The following MYO3B variants were observed in gnomAD, a reference collection of about 807,000 sequenced individuals.
The protein encoded by MYO3B is myosin IIIB, also known as myosin-IIIb.
In MYO3B, 156 loss-of-function variants were observed where a neutral mutation model predicts 174.6. That is an observed-to-expected ratio of 0.89 (90% CI 0.78 to 1.02). The LOEUF (loss-of-function observed/expected upper bound fraction) is 1.02, where lower values mean the gene tolerates loss of function less well. Among genes scored for constraint, MYO3B ranks in the 50% least tolerant of loss-of-function variants. The probability of loss-of-function intolerance (pLI) is 0.00; values close to 1 mark genes in which losing one functional copy is unlikely to be tolerated. For synonymous variants in MYO3B, 563 were observed against 569.1 expected (o/e 0.99, Z 0.15); for missense variants, 1,632 against 1,639.4 (o/e 1.00, Z 0.08).
chr2:170,258,278 G>C (rs2093320031), intron 7 of MYO3B, among the ~76,000 whole-genome samples: 1 of 151,972 alleles, frequency 6.6e-6, no homozygotes, highest in African/African-American at 2.4e-5. Flanking sequence ...CGTCAGGCCA[G>C]TATCCCTGAT....
At chr2:170,577,066 A>G (rs113674092) in intron 32 of MYO3B, among the ~76,000 whole-genome samples, 352 of 151,960 alleles carry the variant, frequency 2.3e-3, no homozygotes, top group African/African-American at 8.0e-3. Context: ...AAGGAAGCCA[A>G]ATGCCAAGTG....
chr2:170,569,757 G>A (rs895713088), intron 32 of MYO3B, among the ~76,000 whole-genome samples: 1 of 151,426 alleles, frequency 6.6e-6, no homozygotes, highest in African/African-American at 2.4e-5. Flanking sequence ...AGCTACTCAG[G>A]AGGCTGAGAC....
Position 170,525,259 on chromosome 2 carries a change from G to A in MYO3B, c.3575+5719G>A, listed in dbSNP as rs533202131. Among the ~76,000 whole-genome samples, 9 of 152,304 alleles carry A rather than the reference G, an allele frequency of 5.9e-5. No individual in the cohort carries two copies. The South Asian group carries it at 1.9e-3, about 32-fold the overall frequency. ...GTTGAAAGTAAAAGTGAGTGGTTGG[G>A]TTGATGCTTCTCTGCTTCACTTCCT... On this transcript the variant is annotated intron_variant, in intron 30 of 34. Transcript: ENST00000408978.
chr2:170,243,055 A>T (rs1026475241), intron 7 of MYO3B, among the ~76,000 whole-genome samples: 1 of 152,250 alleles, frequency 6.6e-6, no homozygotes, highest in Non-Finnish European at 1.5e-5. Context: ...GGAGGATCCT[A>T]GAGTCAAGTG....
chr2:170,264,593 C>T (rs2093369164), intron 7 of MYO3B, among the ~76,000 whole-genome samples: 1 of 152,116 alleles, frequency 6.6e-6, no homozygotes, highest in South Asian at 2.1e-4. Context: ...TGTGTGATTT[C>T]GGATGAGTTA....
intron 7 of MYO3B, among the ~76,000 whole-genome samples, chr2:170,267,364 C>T (rs979391445): frequency 1.3e-5 from 2 of 152,176 alleles, no homozygotes; most frequent in African/African-American, 4.8e-5. Context: ...TTGGCCAATA[C>T]TTAGTCACAT....
At chr2:170,432,765 C>G (rs1346089926) in intron 22 of MYO3B, among the ~76,000 whole-genome samples, 1 of 151,290 alleles carries the variant, frequency 6.6e-6, no homozygotes, top group African/African-American at 2.4e-5. Flanking sequence ...TTAGTAGAGA[C>G]AGGGTTTCAC....
intron 32 of MYO3B, among the ~76,000 whole-genome samples, chr2:170,606,193 A>G (rs1273376709): frequency 6.6e-6 from 1 of 151,334 alleles, no homozygotes; most frequent in Non-Finnish European, 1.5e-5. Flanking sequence ...TTTTCCTTCC[A>G]TAGCTTCCCA....
At chr2:170,220,732 G>A (rs16857920) in intron 6 of MYO3B, among the ~76,000 whole-genome samples, 5,723 of 151,978 alleles carry the variant, frequency 0.038, 258 homozygotes, top group East Asian at 0.12. Flanking sequence ...TGTTAGCTGG[G>A]AAAAGCCAGC....
chr2:170,453,167 G>C (rs933094383), intron 23 of MYO3B, among the ~76,000 whole-genome samples: 4 of 152,084 alleles, frequency 2.6e-5, no homozygotes, highest in African/African-American at 9.7e-5. Context: ...ATCCGGTATT[G>C]GTTTCAGGGG....
intron 7 of MYO3B, among the ~76,000 whole-genome samples, chr2:170,244,333 C>G (rs771003500): frequency 8.5e-5 from 13 of 152,082 alleles, no homozygotes; most frequent in Non-Finnish European, 1.8e-4. Context: ...TTTCCTCTAC[C>G]ACAGATAATA....
intron 31 of MYO3B, 81 bp from the exon 32 acceptor site, chr2:170,543,811 T>C: frequency 8.7e-7 from 1 of 1,144,434 alleles, no homozygotes; most frequent in Non-Finnish European, 1.3e-6. Context: ...TAAGTGCCCC[T>C]TCATTAAATA....
At chr2:170,233,390 T>C (rs1301865005) in intron 6 of MYO3B, among the ~76,000 whole-genome samples, 2 of 152,226 alleles carry the variant, frequency 1.3e-5, no homozygotes, top group African/African-American at 4.8e-5. Flanking sequence ...CAGTGAACTA[T>C]TTGTTGATTG....
chr2:170,501,240 C>T (rs1430636019), intron 27 of MYO3B, among the ~76,000 whole-genome samples: 1 of 152,112 alleles, frequency 6.6e-6, no homozygotes. Context: ...CACATCTTTC[C>T]TCTCCCTCAG....
chr2:170,527,275 A>G (rs923804087), intron 30 of MYO3B, among the ~76,000 whole-genome samples: 23 of 152,198 alleles, frequency 1.5e-4, no homozygotes, highest in African/African-American at 5.3e-4. Flanking sequence ...TATTACAGGG[A>G]ATAAGGCACC....
At position 170,474,743 on chromosome 2, in the gene MYO3B, C is replaced by CAAAAAAAAAAAA. The variant is rs55913448; in HGVS notation, c.3014+8062_3014+8073dup. On this transcript the variant is annotated intron_variant, in intron 25 of 34. Coordinates refer to ENST00000408978, the MANE Select transcript of MYO3B (RefSeq NM_138995.5). ...GGGTGACAAGAGTGAAACTCCGTCTCAAAAAAAAAAAAAAAAAAAAAAAAA... is the reference window on the plus strand; with the variant it reads ...GGGTGACAAGAGTGAAACTCCGTCTCAAAAAAAAAAAAAAAAAAAAAAAAAAAAAAAAAAAAA... Among the ~76,000 whole-genome samples the CAAAAAAAAAAAA allele has an allele frequency of 3.5e-4, 13 of 37,580 alleles. 3 individuals are homozygous for CAAAAAAAAAAAA. Among genetic ancestry groups the CAAAAAAAAAAAA allele is most frequent in the East Asian group, 8.4e-4 (1 of 1,186 alleles). 24.7% of individuals were successfully genotyped at this position (37,580 alleles called of 152,430 possible).
chr2:170,383,892 C>T, intron 12 of MYO3B, 78 bp downstream of exon 12: 2 of 1,186,832 alleles, frequency 1.7e-6, no homozygotes, highest in Middle Eastern at 2.0e-4. Context: ...CCTAAGTCTT[C>T]CTGAAACCTT....
intron 7 of MYO3B, among the ~76,000 whole-genome samples, chr2:170,309,334 G>A (rs1233417262): frequency 6.6e-6 from 1 of 152,078 alleles, no homozygotes; most frequent in Non-Finnish European, 1.5e-5. Flanking sequence ...TCATTCAAAT[G>A]CTAAGGAGGT....
intron 32 of MYO3B, among the ~76,000 whole-genome samples, chr2:170,632,998 A>C (rs930479234): frequency 6.6e-6 from 1 of 152,182 alleles, no homozygotes; most frequent in African/African-American, 2.4e-5. Flanking sequence ...CAACCAAAAA[A>C]AGTCCAGGGT....
Sources: gnomAD v4.1 joint callset for allele counts (sites outside exome capture counted in the v4.1 genomes callset) on GRCh38, gnomAD v4.1.1 for gene constraint, MANE v1.5 for transcripts, NCBI Gene and HGNC (gene_info 2026-07-23, HGNC 2026-07-21) for gene names.